The following DGKI variants were observed in gnomAD, a reference collection of about 807,000 sequenced individuals.
DGKI encodes the protein DAG kinase iota.
In DGKI, 55 loss-of-function variants were observed where a neutral mutation model predicts 147.5. That is an observed-to-expected ratio of 0.37 (90% confidence interval 0.30 to 0.47). The LOEUF is 0.47. Among genes scored for constraint, DGKI ranks in the 20% least tolerant of loss-of-function variants. The pLI, the probability that DGKI is intolerant of heterozygous loss-of-function variation, is 1.00. For synonymous variants in DGKI, 469 were observed against 477.1 expected (o/e 0.98, Z 0.22); for missense variants, 1,007 against 1,323.8 (o/e 0.76, Z 3.71).
chr7:137,838,684 G>GA (rs1013878089), intron 1 of DGKI, among the ~76,000 whole-genome samples: 18 of 151,648 alleles, frequency 1.2e-4, no homozygotes, highest in East Asian at 5.8e-4. Context: ...TTTTTTAGGG[G>GA]AAAAAAAATG....
chr7:137,674,487 C>T (rs765798965), intron 3 of DGKI, among the ~76,000 whole-genome samples: 3 of 152,178 alleles, frequency 2.0e-5, no homozygotes, highest in South Asian at 2.1e-4. Flanking sequence ...CCTAATGTTA[C>T]GGCATCATTA....
rs561835002 is a variant in DGKI at position 137,737,591 on chromosome 7, C to T, written c.402-47589G>A. ...GACTTCGGAATGGAACCCAGAACCT[C>T]TTACTTGAGCCCAAGGCATTTCCTA... On this transcript the variant is annotated intron_variant, in intron 1 of 32. Transcript: ENST00000614521. 7.2e-5 allele frequency among the ~76,000 whole-genome samples: 11 copies of T among 152,076 alleles called. 1 individual carries two copies. The highest frequency in any genetic ancestry group is 3.4e-3 in the Middle Eastern group (1 of 292).
chr7:137,560,767 G>T (rs1409781227), intron 19 of DGKI, among the ~76,000 whole-genome samples: 1 of 152,186 alleles, frequency 6.6e-6, no homozygotes. Context: ...GTAAGCCAAA[G>T]AATGTGGGCA....
At chr7:137,620,705 C>G (rs1020063414) in intron 7 of DGKI, among the ~76,000 whole-genome samples, 2 of 152,174 alleles carry the variant, frequency 1.3e-5, no homozygotes, top group Non-Finnish European at 2.9e-5. Flanking sequence ...AGGGTCTTAA[C>G]TGTATACCCC....
intron 1 of DGKI, among the ~76,000 whole-genome samples, chr7:137,785,655 G>A (rs1796648178): frequency 1.3e-5 from 2 of 151,918 alleles, no homozygotes; most frequent in Non-Finnish European, 2.9e-5. Flanking sequence ...ACCAAAACCA[G>A]GGAAGGACAT....
chr7:137,810,165 T>C (rs1029962478), intron 1 of DGKI, among the ~76,000 whole-genome samples: 4 of 152,166 alleles, frequency 2.6e-5, no homozygotes, highest in African/African-American at 7.2e-5. Flanking sequence ...TAGAAAATAG[T>C]ATGACTTAGG....
intron 21 of DGKI, among the ~76,000 whole-genome samples, chr7:137,520,860 A>G (rs976450691): frequency 6.6e-6 from 1 of 152,050 alleles, no homozygotes; most frequent in African/African-American, 2.4e-5. Flanking sequence ...AGAGCTCAGA[A>G]AAGACCATCC....
At chr7:137,720,549 C>T (rs34025316) in intron 1 of DGKI, among the ~76,000 whole-genome samples, 69,219 of 151,862 alleles carry the variant, frequency 0.46, 17,215 homozygotes, top group African/African-American at 0.66. Flanking sequence ...TGAGCCACCG[C>T]GCCCGGCCGA....
intron 2 of DGKI, among the ~76,000 whole-genome samples, chr7:137,685,757 G>C (rs1338190433): frequency 1.3e-5 from 2 of 152,200 alleles, no homozygotes; most frequent in Admixed American, 6.5e-5. Flanking sequence ...TCCTTGTGAA[G>C]AGTAGGAAGG....
intron 2 of DGKI, among the ~76,000 whole-genome samples, chr7:137,688,873 G>T (rs1159513951): frequency 1.3e-5 from 2 of 152,192 alleles, no homozygotes; most frequent in Middle Eastern, 3.4e-3. Flanking sequence ...ACACTCTCAG[G>T]GTAACAATAT....
chr7:137,405,999 G>C (rs1476274574), intron 30 of DGKI, among the ~76,000 whole-genome samples: 1 of 152,218 alleles, frequency 6.6e-6, no homozygotes, highest in South Asian at 2.1e-4. Context: ...TGGGTGGGGG[G>C]GTGTGGAGAG....
At chr7:137,396,358 C>T (rs115832387) in intron 31 of DGKI, among the ~76,000 whole-genome samples, 2,390 of 152,326 alleles carry the variant, frequency 0.016, 61 homozygotes, top group African/African-American at 0.055. Flanking sequence ...GCCAGCCACT[C>T]AGTGTGGGAA....
chr7:137,526,838 C>A (rs1817164252), intron 20 of DGKI, among the ~76,000 whole-genome samples: 1 of 152,122 alleles, frequency 6.6e-6, no homozygotes, highest in Admixed American at 6.6e-5. Context: ...TGATCAATTT[C>A]TTTAGTATAC....
chr7:137,717,191 A>G (rs1794404383), intron 1 of DGKI, among the ~76,000 whole-genome samples: 1 of 152,214 alleles, frequency 6.6e-6, no homozygotes, highest in Admixed American at 6.5e-5. Context: ...TACACAGGAA[A>G]ATGTCAAAAG....
chr7:137,556,488 T>C (rs1443794359), intron 19 of DGKI, among the ~76,000 whole-genome samples: 2 of 152,138 alleles, frequency 1.3e-5, no homozygotes, highest in African/African-American at 2.4e-5. Context: ...GGCCAAGTGT[T>C]AAAACTCATA....
At chr7:137,509,811 A>C (rs1816516139) in intron 21 of DGKI, among the ~76,000 whole-genome samples, 1 of 151,878 alleles carries the variant, frequency 6.6e-6, no homozygotes, top group Non-Finnish European at 1.5e-5. Flanking sequence ...GGAACACTAC[A>C]CTCTCCAGGT....
Position 137,688,124 on chromosome 7 carries a change from T to C in DGKI, c.510+1770A>G, listed in dbSNP as rs1240887107. On this transcript the variant is annotated intron_variant, in intron 2 of 32. Transcript: ENST00000614521. ...TCTGATAACTATTTCCAACATCAAA[T>C]GGGAATGGAATGTCCTTTTGTTGCA... 2.6e-5 allele frequency among the ~76,000 whole-genome samples: 4 copies of C among 152,202 alleles called. No homozygotes were observed. In the East Asian group the frequency reaches 7.7e-4, roughly 29 times the overall value.
intron 1 of DGKI, among the ~76,000 whole-genome samples, chr7:137,751,441 G>A (rs561184029): frequency 1.1e-4 from 16 of 152,290 alleles, no homozygotes; most frequent in African/African-American, 3.8e-4. Context: ...TGTACTTGGT[G>A]GCATCTGACA....
intron 27 of DGKI, 37 bp from the exon 28 acceptor site, chr7:137,444,139 T>G (rs1813619806): frequency 4.2e-6 from 5 of 1,191,106 alleles, no homozygotes; most frequent in Non-Finnish European, 6.0e-6. Context: ...ATATTTTATA[T>G]GATAATTATA....
Sources: allele counts gnomAD v4.1 joint callset (sites outside exome capture counted in the v4.1 genomes callset), GRCh38; gene constraint gnomAD v4.1.1; transcripts MANE v1.5; gene names NCBI Gene and HGNC (gene_info 2026-07-23, HGNC 2026-07-21).